Variants in BPNT1 observed in about 807,000 individuals in gnomAD.
BPNT1 encodes the protein 3'(2'),5'-bisphosphate nucleotidase 1.
In BPNT1, 28 loss-of-function variants were observed where a neutral mutation model predicts 36.9. The observed-to-expected ratio is 0.76, with a 90% CI of 0.56 to 1.04. The LOEUF is 1.04. BPNT1 is among the 50% of genes least tolerant of loss of function. BPNT1 has a pLI of 0.00. For missense variants in BPNT1, 313 were observed against 372.9 expected (o/e 0.84, Z 1.32); for synonymous variants, 119 against 130.9 (o/e 0.91, Z 0.62).
At chr1:220,062,326 A>G (rs1211120170) in intron 7 of BPNT1, among the ~76,000 whole-genome samples, 1 of 127,320 alleles carries the variant, frequency 7.9e-6, no homozygotes, top group Non-Finnish European at 1.6e-5. Context: ...CCAGAGTGTG[A>G]CATTCCCCTT....
At chr1:220,059,821 T>C in intron 7 of BPNT1, 30 bp from the exon 8 acceptor site, 2 of 1,461,840 alleles carry the variant, frequency 1.4e-6, no homozygotes, top group South Asian at 1.3e-5. Context: ...AATTATCCTT[T>C]GATAATAGAA....
intron 5 of BPNT1, among the ~76,000 whole-genome samples, chr1:220,068,308 C>A (rs558065823): frequency 6.6e-6 from 1 of 151,998 alleles, no homozygotes; most frequent in East Asian, 2.0e-4. Context: ...CTCAGCCCCA[C>A]AAGTAGCTGG....
rs1395364594 is a variant in BPNT1 at position 220,067,412 on chromosome 1, T to C, written c.383-19A>G. 1 of 1,547,140 alleles carries C rather than the reference T, an allele frequency of 6.5e-7. No individual in the cohort carries two copies. The highest frequency in any genetic ancestry group is 1.1e-5 in the South Asian group (1 of 87,228). ...AGAAGACCTGCAAAGAAGAAATAAA[T>C]ATCAGTTATATAACTTGCTCATATT... On this transcript the variant is annotated intron_variant, in intron 5 of 8. Transcript: ENST00000322067.
chr1:220,062,649 G>T, intron 7 of BPNT1, 108 bp downstream of exon 7: 2 of 1,154,500 alleles, frequency 1.7e-6, no homozygotes, highest in Non-Finnish European at 2.5e-6. Flanking sequence ...AGTCCTTTGG[G>T]TATATACCCA....
At chr1:220,059,665 C>T (rs1662842258) in intron 8 of BPNT1, 21 bp downstream of exon 8, 1 of 1,518,820 alleles carries the variant, frequency 6.6e-7, no homozygotes, top group South Asian at 1.2e-5. Flanking sequence ...CTATGAATTT[C>T]CTCAAATAAA....
intron 1 of BPNT1, among the ~76,000 whole-genome samples, chr1:220,088,752 T>C (rs1335181191): frequency 6.8e-6 from 1 of 147,178 alleles, no homozygotes; most frequent in African/African-American, 2.5e-5. Context: ...ATGGCACCAC[T>C]GTACTCCAGC....
At chr1:220,088,801 A>G (rs1186926720) in intron 1 of BPNT1, among the ~76,000 whole-genome samples, 3 of 148,212 alleles carry the variant, frequency 2.0e-5, no homozygotes, top group African/African-American at 4.9e-5. Context: ...AAAAAAAAAA[A>G]AAAAGAAAGA....
intron 4 of BPNT1, among the ~76,000 whole-genome samples, chr1:220,070,329 C>T (rs578234687): frequency 6.6e-6 from 1 of 152,068 alleles, no homozygotes; most frequent in East Asian, 1.9e-4. Context: ...ATGGAGAACA[C>T]CATGTCTCAC....
rs547687388 is a variant in BPNT1 at position 220,058,792 on chromosome 1, G to A, written c.*52C>T. The stretch of plus-strand genomic sequence containing the variant: ...GATCCACCTGCCTCGGCCTCCCAAA[G>A]TGCTGGGATTACAGGCATGAGCCAC... On this transcript the variant is annotated 3_prime_UTR_variant, in exon 9 of 9. Coordinates refer to ENST00000322067, the MANE Select transcript of BPNT1 (RefSeq NM_006085.6). 2.1e-5 allele frequency: 33 copies of A among 1,555,874 alleles called. No individual in the cohort carries two copies. In the East Asian group the frequency reaches 7.0e-4, roughly 33 times the overall value.
intron 1 of BPNT1, among the ~76,000 whole-genome samples, chr1:220,087,664 A>G (rs1316934296): frequency 6.6e-6 from 1 of 152,234 alleles, no homozygotes; most frequent in Non-Finnish European, 1.5e-5. Context: ...AAAATATTGT[A>G]TCACATACCA....
intron 1 of BPNT1, among the ~76,000 whole-genome samples, chr1:220,081,654 C>T (rs1404206940): frequency 6.6e-6 from 1 of 152,108 alleles, no homozygotes; most frequent in Admixed American, 6.6e-5. Flanking sequence ...CTTGCTGAGA[C>T]AGCTGTCAAA....
rs1336342316 is a variant in BPNT1 at position 220,058,212 on chromosome 1, A to G, written c.*632T>C. 1 of 997,352 alleles carries G rather than the reference A, an allele frequency of 1.0e-6. No individual in the cohort carries two copies. Among genetic ancestry groups the G allele is most frequent in the Non-Finnish European group, 1.2e-6 (1 of 836,148 alleles). The allele number at this position is 997,352 out of a possible 1,614,324, so 61.8% of individuals were successfully genotyped here. On this transcript the variant is annotated 3_prime_UTR_variant, in exon 9 of 9. Transcript: ENST00000322067. ...AGAGAAATCTGGTTTAGAAGATAGG[A>G]ATGTTCATTGAACATTGACCTGAAC...
chr1:220,065,205 A>G (rs1663431260), intron 6 of BPNT1, among the ~76,000 whole-genome samples: 1 of 152,242 alleles, frequency 6.6e-6, no homozygotes, highest in Admixed American at 6.5e-5. Context: ...ACAAGGTCAT[A>G]TTGCCTCTGT....
intron 4 of BPNT1, among the ~76,000 whole-genome samples, chr1:220,072,528 T>C (rs999730558): frequency 1.3e-5 from 2 of 152,136 alleles, no homozygotes; most frequent in Non-Finnish European, 2.9e-5. Flanking sequence ...TTGCCGAGTC[T>C]GGTCTCGAAC....
intron 2 of BPNT1, among the ~76,000 whole-genome samples, chr1:220,076,153 G>C (rs1227119213): frequency 6.6e-6 from 1 of 152,108 alleles, no homozygotes; most frequent in African/African-American, 2.4e-5. Flanking sequence ...TAGATCACAA[G>C]GTCAGGAGTT....
At position 220,058,343 on chromosome 1, in the gene BPNT1, T is replaced by G; in HGVS notation, c.*501A>C. ...CTCCAGACGTCAAAATTGGTCTGGTTGATTAATCAAGTTAAATTATTTAAT... is the reference window on the plus strand; with the variant it reads ...CTCCAGACGTCAAAATTGGTCTGGTGGATTAATCAAGTTAAATTATTTAAT... On this transcript the variant is annotated 3_prime_UTR_variant, in exon 9 of 9. Transcript: ENST00000322067. 2 of 986,428 alleles carry G rather than the reference T, an allele frequency of 2.0e-6. No individual in the cohort carries two copies. The highest frequency in any genetic ancestry group is 2.4e-6 in the Non-Finnish European group (2 of 829,656). 61.1% of individuals were successfully genotyped at this position (986,428 alleles called of 1,614,324 possible).
intron 8 of BPNT1, 90 bp downstream of exon 8, chr1:220,059,596 T>A (rs958104222): frequency 3.5e-5 from 35 of 1,009,172 alleles, no homozygotes; most frequent in South Asian, 1.2e-4. Flanking sequence ...ATCGTAACAG[T>A]CTAAGTAAAA....
intron 6 of BPNT1, chr1:220,066,046 A>G: frequency 6.6e-7 from 1 of 1,506,866 alleles, no homozygotes; most frequent in South Asian, 1.2e-5. Context: ...CTACTAGTGG[A>G]GCCAAAACCC....
chr1:220,082,085 T>TAGAGAGAG (rs3055555), intron 1 of BPNT1, among the ~76,000 whole-genome samples: 14 of 103,280 alleles, frequency 1.4e-4, no homozygotes, highest in South Asian at 6.6e-4. Context: ...TATATATATA[T>TAGAGAGAG]AGAGAGAGAG....
Sources: allele counts gnomAD v4.1 joint callset (sites outside exome capture counted in the v4.1 genomes callset), GRCh38; gene constraint gnomAD v4.1.1; transcripts MANE v1.5; gene names NCBI Gene and HGNC (gene_info 2026-07-23, HGNC 2026-07-21).